Variants in ANKRD31 observed in about 807,000 individuals in gnomAD.
ANKRD31 encodes ankyrin repeat domain 31.
In ANKRD31, 147 loss-of-function variants were observed where a neutral mutation model predicts 186.0. The observed-to-expected ratio is 0.79, with a 90% CI of 0.69 to 0.91. ANKRD31 has a LOEUF of 0.91. Among genes scored for constraint, ANKRD31 ranks in the 40% least tolerant of loss-of-function variants. ANKRD31 has a pLI of 0.00. For synonymous variants in ANKRD31, 673 were observed against 736.4 expected (o/e 0.91, Z 1.39); for missense variants, 1,986 against 2,148.8 (o/e 0.92, Z 1.50).
intron 22 of ANKRD31, among the ~76,000 whole-genome samples, chr5:75,100,708 G>A (rs2150049465): frequency 6.6e-6 from 1 of 152,162 alleles, no homozygotes; most frequent in East Asian, 1.9e-4. Flanking sequence ...GATCTTTGTT[G>A]GTTTAAAGTC....
Position 75,147,205 on chromosome 5 carries a change from T to C in ANKRD31, c.2206A>G (p.Lys736Glu), listed in dbSNP as rs1751510510. ...KGIGRRKTQHKRTQVDDVDCN... is the reference protein window; with the variant it reads ...KGIGRRKTQHERTQVDDVDCN... ...TCTACATCATCTACTTGGGTCCTTT[T>C]ATGTTGTGTTTTTCTTCTTCCTATA... Residue 736 changes from lysine (K) to glutamate (E), a missense_variant, in exon 14 of 26, where the codon AAA (lysine) becomes GAA (glutamate). Physicochemically the swap from Lys to Glu is moderately conservative, Grantham distance 56 (BLOSUM62 1). Coordinates refer to ENST00000506364, the MANE Select transcript of ANKRD31 (RefSeq NM_001372053.1). 1 of 1,536,180 alleles carries C rather than the reference T, an allele frequency of 6.5e-7. No homozygotes were observed. The highest frequency in any genetic ancestry group is 1.2e-5 in the South Asian group (1 of 84,034).
At chr5:75,181,121 AAC>A (rs1205395099) in intron 10 of ANKRD31, among the ~76,000 whole-genome samples, 1 of 152,150 alleles carries the variant, frequency 6.6e-6, no homozygotes. Context: ...GCAGCCAAAA[AAC>A]ACATGAAAAA....
intron 12 of ANKRD31, among the ~76,000 whole-genome samples, chr5:75,151,298 G>A (rs1461433717): frequency 6.6e-6 from 1 of 151,912 alleles, no homozygotes; most frequent in African/African-American, 2.4e-5. Context: ...GAACCCAGCT[G>A]GGAAGGAGAT....
intron 21 of ANKRD31, among the ~76,000 whole-genome samples, chr5:75,107,197 G>A (rs1446331599): frequency 6.6e-6 from 1 of 152,030 alleles, no homozygotes; most frequent in Non-Finnish European, 1.5e-5. Context: ...AACTTTTTTA[G>A]TGTAGAAAAT....
chr5:75,091,635 G>A (rs1245971801), intron 22 of ANKRD31, among the ~76,000 whole-genome samples: 1 of 152,098 alleles, frequency 6.6e-6, no homozygotes, highest in Admixed American at 6.5e-5. Flanking sequence ...TATGGTATTT[G>A]AACCAAGACT....
At chr5:75,096,638 T>C (rs1005273272) in intron 22 of ANKRD31, among the ~76,000 whole-genome samples, 3 of 152,064 alleles carry the variant, frequency 2.0e-5, no homozygotes, top group Non-Finnish European at 4.4e-5. Flanking sequence ...GGTTTTTATA[T>C]TTAAGTCTTT....
chr5:75,136,811 A>G (rs1464839810), intron 17 of ANKRD31, among the ~76,000 whole-genome samples: 1 of 152,254 alleles, frequency 6.6e-6, no homozygotes, highest in Non-Finnish European at 1.5e-5. Flanking sequence ...TGGCACATAT[A>G]CACCATGGAA....
chr5:75,074,529 AC>A (rs1311310018), intron 25 of ANKRD31, among the ~76,000 whole-genome samples: 2 of 152,212 alleles, frequency 1.3e-5, no homozygotes, highest in African/African-American at 4.8e-5. Context: ...TGGAAAACCA[AC>A]AAAACAAAAA....
At position 75,138,904 on chromosome 5, in the gene ANKRD31, C is replaced by T. The variant is rs1750809788; in HGVS notation, c.3675G>A (p.Leu1225=). 6.5e-7 allele frequency: 1 copy of T among 1,536,760 alleles called. No individual in the cohort carries two copies. Among genetic ancestry groups the T allele is most frequent in the Admixed American group, 2.0e-5 (1 of 50,970 alleles). ...QLHLAVRRGN[L]PLVKALIESG... ...ATTCTATCAGGGCTTTCACTAGGGG[C>T]AGATTTCCTCTTCTGACAGCTAAAT... The change falls in exon 16 of 26, where the codon CTG becomes CTA. Residue 1225 remains leucine (L), a synonymous_variant. Coordinates refer to ENST00000506364, the MANE Select transcript of ANKRD31 (RefSeq NM_001372053.1).
At chr5:75,173,577 A>G (rs1009713793) in intron 10 of ANKRD31, among the ~76,000 whole-genome samples, 3 of 152,216 alleles carry the variant, frequency 2.0e-5, no homozygotes, top group Non-Finnish European at 4.4e-5. Flanking sequence ...AAGCATTCCT[A>G]TACACCAATA....
In ANKRD31 at chr5:75,147,534, T is replaced by G. The variant is rs369403145; in HGVS notation, c.1906-29A>C. 385 of 1,338,610 alleles carry G rather than the reference T, an allele frequency of 2.9e-4. 1 individual carries two copies. In the African/African-American group the frequency reaches 5.2e-3, roughly 18 times the overall value. The allele number at this position is 1,338,610 out of a possible 1,614,324, so 82.9% of individuals were successfully genotyped here. On this transcript the variant is annotated intron_variant, in intron 13 of 25. Coordinates refer to ENST00000506364, the MANE Select transcript of ANKRD31 (RefSeq NM_001372053.1). ...TAGAAAAAAAATACATAGTTAGCTT[T>G]AATTTTCAGCGGTAGTACTATATCA...
chr5:75,156,012 T>C (rs1454613360), intron 11 of ANKRD31, among the ~76,000 whole-genome samples: 1 of 152,190 alleles, frequency 6.6e-6, no homozygotes, highest in Admixed American at 6.5e-5. Flanking sequence ...GTTCAATCAA[T>C]TCTTGTGCCT....
intron 5 of ANKRD31, among the ~76,000 whole-genome samples, chr5:75,204,786 C>A (rs1484300094): frequency 1.3e-5 from 2 of 152,196 alleles, no homozygotes; most frequent in Admixed American, 6.5e-5. Context: ...GACTCTTTCC[C>A]TACTTAAACA....
At chr5:75,210,249 T>C (rs954446061) in intron 4 of ANKRD31, among the ~76,000 whole-genome samples, 7 of 152,264 alleles carry the variant, frequency 4.6e-5, no homozygotes, top group African/African-American at 1.7e-4. Flanking sequence ...TCTCAGCTCA[T>C]TGCAACCTCC....
intron 11 of ANKRD31, among the ~76,000 whole-genome samples, chr5:75,162,444 C>T (rs1481096917): frequency 6.6e-6 from 1 of 152,180 alleles, no homozygotes; most frequent in African/African-American, 2.4e-5. Flanking sequence ...AGGTAACTAA[C>T]TTGCTTTTGA....
intron 15 of ANKRD31, among the ~76,000 whole-genome samples, chr5:75,142,468 C>G (rs1056502718): frequency 1.3e-5 from 2 of 151,976 alleles, no homozygotes; most frequent in Non-Finnish European, 2.9e-5. Flanking sequence ...CAACTAAAAG[C>G]TCTGTATTGT....
chr5:75,211,668 T>A (rs1378438547), intron 3 of ANKRD31, among the ~76,000 whole-genome samples: 1 of 151,786 alleles, frequency 6.6e-6, no homozygotes, highest in Non-Finnish European at 1.5e-5. Context: ...ATTTTGGGTA[T>A]TTTTTTTAAA....
rs148197487 is a variant in ANKRD31, at chr5:75,138,094, A to G, written c.3734-96T>C. On this transcript the variant is annotated intron_variant, in intron 16 of 25. Coordinates refer to ENST00000506364, the MANE Select transcript of ANKRD31 (RefSeq NM_001372053.1). Reference sequence around the variant, plus strand: ...TAAGGTTTTGTTGCATTAATGCAATATCCATATTGATTCATATGTATATAC... The same window carrying G: ...TAAGGTTTTGTTGCATTAATGCAATGTCCATATTGATTCATATGTATATAC... 1.4e-5 allele frequency: 15 copies of G among 1,098,026 alleles called. No individual in the cohort carries two copies. The African/African-American group carries it at 1.9e-4, about 14-fold the overall frequency. The allele number at this position is 1,098,026 out of a possible 1,614,324, so 68.0% of individuals were successfully genotyped here. A position where few individuals can be genotyped will look rare whatever the true frequency, so the allele number is the denominator to read the frequency against.
chr5:75,162,839 G>A (rs1561491643), intron 11 of ANKRD31, among the ~76,000 whole-genome samples: 1 of 151,536 alleles, frequency 6.6e-6, no homozygotes, highest in African/African-American at 2.4e-5. Context: ...ATTGCTTTTA[G>A]GTATTTTCAG....
Sources: allele counts gnomAD v4.1 joint callset (sites outside exome capture counted in the v4.1 genomes callset), GRCh38; gene constraint gnomAD v4.1.1; transcripts MANE v1.5; gene names NCBI Gene and HGNC (gene_info 2026-07-23, HGNC 2026-07-21).